The following RPS6KA5 variants were observed in gnomAD, a reference collection of about 807,000 sequenced individuals.
RPS6KA5 encodes ribosomal protein S6 kinase alpha-5.
A neutral mutation model predicts 85.5 loss-of-function variants in RPS6KA5; 27 were observed. The observed-to-expected ratio is 0.32, with a 90% confidence interval of 0.23 to 0.44. RPS6KA5 has a LOEUF of 0.44. RPS6KA5 is among the 20% of genes least tolerant of loss of function. The probability of loss-of-function intolerance (pLI) is 1.00; values close to 1 mark genes in which losing one functional copy is unlikely to be tolerated. For synonymous variants in RPS6KA5, 334 were observed against 348.2 expected (o/e 0.96, Z 0.46); for missense variants, 811 against 980.9 (o/e 0.83, Z 2.31).
intron 6 of RPS6KA5, among the ~76,000 whole-genome samples, chr14:90,922,309 A>G (rs2036437045): frequency 6.6e-6 from 1 of 151,868 alleles, no homozygotes; most frequent in Non-Finnish European, 1.5e-5. Flanking sequence ...AGTAGAAATT[A>G]AAAATGCCAA....
In RPS6KA5 at chr14:90,867,394, T is replaced by G. The variant is rs2032846668; in HGVS notation, c.*4680A>C. ...ACCAACATATAAATTAAAAGTGTTA[T>G]GCAATGAGAAACAATAATGGAAACA... is the stretch of plus-strand genomic sequence containing the variant. On this transcript the variant is annotated 3_prime_UTR_variant, in exon 17 of 17. Coordinates refer to ENST00000614987, the MANE Select transcript of RPS6KA5 (RefSeq NM_004755.4). 1 of 152,150 alleles carries G rather than the reference T, an allele frequency of 6.6e-6. No individual in the cohort carries two copies. Among genetic ancestry groups the G allele is most frequent in the African/African-American group, 2.4e-5 (1 of 41,444 alleles). The allele number at this position is 152,150 out of a possible 1,614,324, so 9.4% of individuals were successfully genotyped here. A position where few individuals can be genotyped will look rare whatever the true frequency, so the allele number is the denominator to read the frequency against.
chr14:90,906,108 G>C (rs370458583), intron 8 of RPS6KA5, 41 bp downstream of exon 8: 5 of 1,520,942 alleles, frequency 3.3e-6, no homozygotes, highest in Admixed American at 1.8e-5. Flanking sequence ...CCCTGAAAAC[G>C]GCAAGGAGTA....
chr14:90,978,669 A>AAC, intron 2 of RPS6KA5, 145 bp from the exon 3 acceptor site: 3 of 602,726 alleles, frequency 5.0e-6, no homozygotes, highest in South Asian at 2.5e-5. Context: ...TAGTTATTTG[A>AAC]TAGATTTCTT....
rs935494199 is a variant in RPS6KA5 at position 90,850,389 on chromosome 14, A to T, written c.*21685T>A. ...AAATACTAAATGGAAGAAGACACAAATAGAAAGAGAAGAAAGTATTTTTAA... is the reference window on the plus strand; with the variant it reads ...AAATACTAAATGGAAGAAGACACAATTAGAAAGAGAAGAAAGTATTTTTAA... On this transcript the variant is annotated 3_prime_UTR_variant, in exon 17 of 17. Transcript: ENST00000614987. 3 of 152,140 alleles carry T rather than the reference A, an allele frequency of 2.0e-5. No individual in the cohort carries two copies. Among genetic ancestry groups the T allele is most frequent in the African/African-American group, 7.2e-5 (3 of 41,434 alleles). 9.4% of individuals were successfully genotyped at this position (152,140 alleles called of 1,614,324 possible).
intron 14 of RPS6KA5, among the ~76,000 whole-genome samples, chr14:90,884,906 G>T (rs572118016): frequency 3.9e-5 from 6 of 152,258 alleles, no homozygotes; most frequent in African/African-American, 1.4e-4. Context: ...TCTAAAGTCT[G>T]CTCTACTTCT....
intron 3 of RPS6KA5, among the ~76,000 whole-genome samples, chr14:90,974,037 C>CAAAAAAAAAAAAAAAAAAA (rs56212923): frequency 3.3e-5 from 2 of 61,458 alleles, no homozygotes; most frequent in African/African-American, 1.2e-4. Context: ...GACTCCATCT[C>CAAAAAAAAAAAAAAAAAAA]AAAAAAAAAA....
Position 90,850,884 on chromosome 14 carries a change from T to C in RPS6KA5, c.*21190A>G, listed in dbSNP as rs1350661951. Reference sequence around the variant, plus strand: ...CAAATTAGCCAAGCACAATGATATATTTTAAACCCACACTCAGACCGACAG... The same window carrying C: ...CAAATTAGCCAAGCACAATGATATACTTTAAACCCACACTCAGACCGACAG... On this transcript the variant is annotated 3_prime_UTR_variant, in exon 17 of 17. Coordinates refer to ENST00000614987, the MANE Select transcript of RPS6KA5 (RefSeq NM_004755.4). The C allele has an allele frequency of 6.6e-6, 1 of 152,236 alleles. No homozygotes were observed. 9.4% of individuals were successfully genotyped at this position (152,236 alleles called of 1,614,324 possible).
chr14:90,907,554 GC>G (rs1368618285), intron 7 of RPS6KA5, among the ~76,000 whole-genome samples: 3 of 152,112 alleles, frequency 2.0e-5, no homozygotes, highest in African/African-American at 7.2e-5. Flanking sequence ...AGGCCTAGAC[GC>G]TCTATCAAAT....
Position 90,872,170 on chromosome 14 carries a change from G to A in RPS6KA5, c.2313C>T (p.His771=), listed in dbSNP as rs965020437. ...ESSHSSSSHS[H]GKTTPTKTLQ... ...GTGTCTTGGTGGGTGTAGTTTTACC[G>A]TGAGAATGAGAGGAAGAAGAATGGG... is the stretch of plus-strand genomic sequence containing the variant. The change falls in exon 17 of 17, where the codon CAC becomes CAT. Residue 771 remains histidine, a synonymous_variant. Coordinates refer to ENST00000614987, the MANE Select transcript of RPS6KA5 (RefSeq NM_004755.4). The A allele has an allele frequency of 5.6e-6, 9 of 1,613,776 alleles. No individual in the cohort carries two copies. Among genetic ancestry groups the A allele is most frequent in the South Asian group, 3.3e-5 (3 of 91,034 alleles).
rs1357919170 is a variant in RPS6KA5, at chr14:91,049,640, GAC to G, written c.103+10690_103+10691del. Reference sequence around the variant, plus strand: ...AAAAAAAAAGAAAAAAGAAAAAAGAGACAAGTACTACAAAAAAAGTACAAACA... The same window carrying G: ...AAAAAAAAAGAAAAAAGAAAAAAGAGAAGTACTACAAAAAAAGTACAAACA... On this transcript the variant is annotated intron_variant, in intron 1 of 16. Coordinates refer to ENST00000614987, the MANE Select transcript of RPS6KA5 (RefSeq NM_004755.4). Among the ~76,000 whole-genome samples the G allele has an allele frequency of 3.3e-5, 5 of 151,930 alleles. No individual in the cohort carries two copies. In the East Asian group the frequency reaches 9.7e-4, roughly 29 times the overall value.
intron 1 of RPS6KA5, among the ~76,000 whole-genome samples, chr14:91,006,725 T>C (rs1686768466): frequency 6.6e-6 from 1 of 152,188 alleles, no homozygotes; most frequent in African/African-American, 2.4e-5. Context: ...TTCTTCTCCA[T>C]TCTAACCTTT....
rs1281462086 is a variant in RPS6KA5 at position 90,862,449 on chromosome 14, CCTCCTCCTTCTTCTT to C, written c.*9610_*9624del. The C allele has an allele frequency of 2.1e-5, 3 of 143,760 alleles. No homozygotes were observed. Among genetic ancestry groups the C allele is most frequent in the Admixed American group, 1.4e-4 (2 of 13,880 alleles). The allele number at this position is 143,760 out of a possible 1,614,324, so 8.9% of individuals were successfully genotyped here. A position where few individuals can be genotyped will look rare whatever the true frequency, so the allele number is the denominator to read the frequency against. On this transcript the variant is annotated 3_prime_UTR_variant, in exon 17 of 17. Transcript: ENST00000614987. ...CCTTCTTCTTCCTCCTCCTCCTCCT[CCTCCTCCTTCTTCTT>C]CTTCTTCTTCTTCTTTTTTTAATGC...
At chr14:90,958,510 CA>C (rs1478432736) in intron 3 of RPS6KA5, among the ~76,000 whole-genome samples, 1 of 152,158 alleles carries the variant, frequency 6.6e-6, no homozygotes, top group Non-Finnish European at 1.5e-5. Flanking sequence ...AGTAGATAAG[CA>C]CATCTTTGGT....
In RPS6KA5 at chr14:90,867,327, A is replaced by C. The variant is rs2032842958; in HGVS notation, c.*4747T>G. On this transcript the variant is annotated 3_prime_UTR_variant, in exon 17 of 17. Coordinates refer to ENST00000614987, the MANE Select transcript of RPS6KA5 (RefSeq NM_004755.4). ...CTGCTTAATGTGGCAAGGAACAAGA[A>C]TGAAACTAGATTTTTTTTTTTAGTA... 6.6e-6 allele frequency: 1 copy of C among 152,182 alleles called. No homozygotes were observed. The highest frequency in any genetic ancestry group is 1.5e-5 in the Non-Finnish European group (1 of 68,000). The allele number at this position is 152,182 out of a possible 1,614,324, so 9.4% of individuals were successfully genotyped here. A position where few individuals can be genotyped will look rare whatever the true frequency, so the allele number is the denominator to read the frequency against.
At chr14:90,978,129 T>C (rs2039645214) in intron 3 of RPS6KA5, among the ~76,000 whole-genome samples, 177 bp downstream of exon 3, 1 of 152,140 alleles carries the variant, frequency 6.6e-6, no homozygotes, top group South Asian at 2.1e-4. Context: ...AATGGCATAA[T>C]GGGAGGCCTC....
At chr14:90,973,762 C>T (rs557231404) in intron 3 of RPS6KA5, among the ~76,000 whole-genome samples, 1 of 151,918 alleles carries the variant, frequency 6.6e-6, no homozygotes, top group African/African-American at 2.4e-5. Context: ...TCAGGGCGGG[C>T]GTGGTGGTTC....
At chr14:90,914,763 G>A (rs1433800548) in intron 7 of RPS6KA5, among the ~76,000 whole-genome samples, 1 of 152,226 alleles carries the variant, frequency 6.6e-6, no homozygotes, top group Non-Finnish European at 1.5e-5. Flanking sequence ...ATGCAGAGCT[G>A]AGGAGTATAA....
intron 12 of RPS6KA5, among the ~76,000 whole-genome samples, chr14:90,895,538 C>A (rs1234740113): frequency 1.3e-5 from 2 of 152,130 alleles, no homozygotes; most frequent in African/African-American, 4.8e-5. Context: ...TGTTTACCAT[C>A]CTTTCTCTTC....
chr14:91,008,114 C>T (rs117109819), intron 1 of RPS6KA5, among the ~76,000 whole-genome samples: 5,205 of 152,266 alleles, frequency 0.034, 263 homozygotes, highest in East Asian at 0.1. Context: ...GGTAAAAATG[C>T]ATTTTTCACT....
Sources: allele counts gnomAD v4.1 joint callset (sites outside exome capture counted in the v4.1 genomes callset), GRCh38; gene constraint gnomAD v4.1.1; transcripts MANE v1.5; gene names NCBI Gene and HGNC (gene_info 2026-07-23, HGNC 2026-07-21).